The following ZNF541 variants were observed in gnomAD, a reference collection of about 807,000 sequenced individuals.
The protein encoded by ZNF541 is zinc finger protein 541.
ZNF541 carries 23 observed loss-of-function variants against 123.5 expected under a neutral mutation model. That is an observed-to-expected ratio of 0.19 (90% CI 0.13 to 0.26). The LOEUF (loss-of-function observed/expected upper bound fraction) is 0.26, where lower values mean the gene tolerates loss of function less well. Among genes scored for constraint, ZNF541 ranks in the 10% least tolerant of loss-of-function variants. ZNF541 has a pLI of 1.00. For missense variants in ZNF541, 1,612 were observed against 1,789.9 expected, an observed-to-expected ratio of 0.90 and a Z score of 1.79; for synonymous variants, 751 against 754.5, an observed-to-expected ratio of 1.00 and a Z score of 0.08.
chr19:47,567,576 G>A (rs897594897), intron 2 of ZNF541, among the ~76,000 whole-genome samples: 1 of 152,158 alleles, frequency 6.6e-6, no homozygotes, highest in South Asian at 2.1e-4. Context: ...ATTTAAACAG[G>A]TACAAGCGGC....
chr19:47,542,806 T>G (rs779131790), intron 5 of ZNF541, among the ~76,000 whole-genome samples: 1 of 151,798 alleles, frequency 6.6e-6, no homozygotes, highest in Non-Finnish European at 1.5e-5. Flanking sequence ...ATTAGCCAGA[T>G]GTGGTGGCGC....
At chr19:47,548,094 G>A (rs1970432867) in intron 4 of ZNF541, among the ~76,000 whole-genome samples, 3 of 146,478 alleles carry the variant, frequency 2.0e-5, no homozygotes, top group African/African-American at 7.7e-5. Context: ...AAAGTTAAAA[G>A]GAAAAGAATG....
At chr19:47,530,356 G>A (rs983296970) in intron 12 of ZNF541, among the ~76,000 whole-genome samples, 1 of 62,792 alleles carries the variant, frequency 1.6e-5, no homozygotes, top group Non-Finnish European at 3.7e-5. Flanking sequence ...TTTTTTTTTT[G>A]TATTTTTAGT....
chr19:47,547,678 G>T (rs368137006), intron 4 of ZNF541, among the ~76,000 whole-genome samples: 2 of 152,150 alleles, frequency 1.3e-5, no homozygotes, highest in Non-Finnish European at 2.9e-5. Flanking sequence ...CCTTGTGAAA[G>T]GGAGGAGCCC....
chr19:47,559,716 A>G (rs943863215), intron 2 of ZNF541, among the ~76,000 whole-genome samples: 1 of 151,756 alleles, frequency 6.6e-6, no homozygotes, highest in Non-Finnish European at 1.5e-5. Flanking sequence ...TGGGTGTGGT[A>G]GTGCACGCCT....
In ZNF541 at chr19:47,549,241, A is replaced by G; in HGVS notation, c.548+4T>C. 6.4e-7 allele frequency: 1 copy of G among 1,552,038 alleles called. No individual in the cohort carries two copies. Among genetic ancestry groups the G allele is most frequent in the South Asian group, 1.2e-5 (1 of 84,054 alleles). Reference sequence around the variant, plus strand: ...GACGTTTTTCTGACCAGACTCCCACATACAGGTGGTCCTGGCGCTTAAAGG... The same window carrying G: ...GACGTTTTTCTGACCAGACTCCCACGTACAGGTGGTCCTGGCGCTTAAAGG... On this transcript the variant is annotated splice_donor_region_variant and intron_variant, in intron 4 of 16. Transcript: ENST00000391901.
chr19:47,538,383 C>G lies in ZNF541; in HGVS notation c.2853G>C (p.Lys951Asn), dbSNP rs748751966. The G allele has an allele frequency of 8.7e-5, 135 of 1,543,986 alleles. No individual in the cohort carries two copies. The highest frequency in any genetic ancestry group is 1.1e-4 in the Non-Finnish European group (124 of 1,143,090). ...RDSKESSQQRKRKKRPPPSTA... is the reference protein window; with the variant it reads ...RDSKESSQQRNRKKRPPPSTA... ...TGGAGGGTGGGGGCCGCTTCTTCCG[C>G]TTTCTCTGCTGGCTGCTCTCCTTGC... Residue 951 changes from lysine to asparagine, a missense_variant, in exon 9 of 17, where the codon AAG (lysine) becomes AAC (asparagine). Physicochemically the swap from Lys to Asn is moderately conservative, Grantham distance 94. Transcript: ENST00000391901.
chr19:47,568,791 C>T (rs1278468825), intron 2 of ZNF541, among the ~76,000 whole-genome samples: 2 of 152,146 alleles, frequency 1.3e-5, no homozygotes, highest in Admixed American at 1.3e-4. Context: ...TCCTCCTCAA[C>T]CTTCCGAGTA....
chr19:47,567,529 G>A (rs936169281), intron 2 of ZNF541, among the ~76,000 whole-genome samples: 3 of 152,178 alleles, frequency 2.0e-5, no homozygotes, highest in East Asian at 3.8e-4. Context: ...CAAAGCGCTG[G>A]GATTACAGGC....
chr19:47,521,451 G>A lies in ZNF541; in HGVS notation c.3887+28C>T, dbSNP rs1264926353. ...ACAGGGGCTGAGGCTGGGAGCCCTG[G>A]GAGTGTTTCCAGGAGAAAGCTGGGT... On this transcript the variant is annotated intron_variant, in intron 16 of 16. Coordinates refer to ENST00000391901, the MANE Select transcript of ZNF541 (RefSeq NM_001277075.3). The surrounding 1 kb of genome is among the most constrained non-coding windows in gnomAD (Gnocchi z 4.2). 4 of 1,550,704 alleles carry A rather than the reference G, an allele frequency of 2.6e-6. No homozygotes were observed. In the South Asian group the frequency reaches 3.6e-5, roughly 14 times the overall value.
chr19:47,542,349 G>A (rs186851406), intron 5 of ZNF541, among the ~76,000 whole-genome samples: 2 of 152,188 alleles, frequency 1.3e-5, no homozygotes, highest in East Asian at 1.9e-4. Context: ...ATTACCCAAC[G>A]CTACACTTTA....
Position 47,539,753 on chromosome 19 carries a change from T to A in ZNF541, c.2748A>T (p.Gln916His), listed in dbSNP as rs546513010. 2 of 1,463,262 alleles carry A rather than the reference T, an allele frequency of 1.4e-6. No homozygotes were observed. The highest frequency in any genetic ancestry group is 1.4e-5 in the South Asian group (1 of 70,814). 90.6% of individuals were successfully genotyped at this position (1,463,262 alleles called of 1,614,324 possible). The change falls in exon 8 of 17, where the codon CAA (glutamine) becomes CAT (histidine). Residue 916 changes from glutamine (Q) to histidine (H), a missense_variant. Gln to His is a conservative substitution (Grantham distance 24). Transcript: ENST00000391901. ...PTAAAPLVVP[Q>H]SIPVVPVTRH... ...GGGTCACTGGAACCACGGGGATCGA[T>A]TGGGGGACCACCAAAGGGGCTGCAG...
chr19:47,557,777 C>T (rs886685387), intron 2 of ZNF541, among the ~76,000 whole-genome samples: 2 of 151,472 alleles, frequency 1.3e-5, no homozygotes, highest in Non-Finnish European at 1.5e-5. Flanking sequence ...AGCTTATAGA[C>T]TTTTACACAC....
In ZNF541 at chr19:47,520,739, C is replaced by G. The variant is rs1209128388; in HGVS notation, c.*485G>C. The G allele has an allele frequency of 6.5e-6, 1 of 153,964 alleles. No individual in the cohort carries two copies. The highest frequency in any genetic ancestry group is 2.4e-5 in the African/African-American group (1 of 41,448). The allele number at this position is 153,964 out of a possible 1,614,324, so 9.5% of individuals were successfully genotyped here. On this transcript the variant is annotated 3_prime_UTR_variant, in exon 17 of 17. Coordinates refer to ENST00000391901, the MANE Select transcript of ZNF541 (RefSeq NM_001277075.3). ...TACGAGTTGACATGTACAAAAAACACCGAACAATGCAGAATTCATCGCAAG... is the reference window on the plus strand; with the variant it reads ...TACGAGTTGACATGTACAAAAAACAGCGAACAATGCAGAATTCATCGCAAG...
intron 4 of ZNF541, among the ~76,000 whole-genome samples, chr19:47,548,229 G>T (rs1381008242): frequency 6.6e-6 from 1 of 151,614 alleles, no homozygotes; most frequent in East Asian, 1.9e-4. Flanking sequence ...TGGATCACAA[G>T]GTCAGGAGTT....
At chr19:47,558,902 G>A (rs994086757) in intron 2 of ZNF541, among the ~76,000 whole-genome samples, 72 of 151,790 alleles carry the variant, frequency 4.7e-4, no homozygotes, top group Non-Finnish European at 8.2e-4. Context: ...CCGCCCCCGC[G>A]CCCGGCTAAC....
chr19:47,533,580 C>T (rs1361451797), intron 9 of ZNF541, among the ~76,000 whole-genome samples: 6 of 151,898 alleles, frequency 4.0e-5, no homozygotes, highest in Non-Finnish European at 7.4e-5. Flanking sequence ...GGGTGGCTCA[C>T]GCCTGTAATC....
chr19:47,530,817 A>G (rs893592917), intron 12 of ZNF541, among the ~76,000 whole-genome samples: 5 of 150,424 alleles, frequency 3.3e-5, no homozygotes, highest in Non-Finnish European at 7.4e-5. Flanking sequence ...TGCCTGGCTA[A>G]TTTTTTTATT....
intron 10 of ZNF541, among the ~76,000 whole-genome samples, chr19:47,532,634 A>G (rs1052139677): frequency 2.0e-5 from 3 of 152,110 alleles, no homozygotes; most frequent in African/African-American, 7.2e-5. Flanking sequence ...TTCTACCTGG[A>G]ACCCCAAGGT....
Sources: allele counts gnomAD v4.1 joint callset (sites outside exome capture counted in the v4.1 genomes callset), GRCh38; gene constraint gnomAD v4.1.1; non-coding constraint Gnocchi (gnomAD v3.1); transcripts MANE v1.5; gene names NCBI Gene and HGNC (gene_info 2026-07-23, HGNC 2026-07-21).